MYCT1: variants seen among roughly 807,000 people sequenced by gnomAD.
MYCT1 encodes the protein MYC target 1.
MYCT1 carries 12 observed loss-of-function variants against 15.0 expected under a neutral mutation model. That is an observed-to-expected ratio of 0.80 (90% CI 0.51 to 1.29). The LOEUF (loss-of-function observed/expected upper bound fraction) is 1.29. Among genes scored for constraint, MYCT1 ranks in the 50% most tolerant of loss-of-function variants. The pLI is 0.00. For synonymous variants in MYCT1, 104 were observed against 102.7 expected (o/e 1.01, Z -0.07); for missense variants, 287 against 279.1 (o/e 1.03, Z -0.20).
rs769316637 is a variant in MYCT1 at position 152,721,852 on chromosome 6, A to G, written c.307A>G (p.Ile103Val). ...TCGAAGAAGAAGAGCCAGTGCTCCC[A>G]TCTCACAGTGGAGTTCAAGCAGGAG... ...LSRRRRASAP[I>V]SQWSSSRRSR... Residue 103 changes from isoleucine (I) to valine (V), a missense_variant, in exon 2 of 2, where the codon ATC (isoleucine) becomes GTC (valine). Coordinates refer to ENST00000367245, the MANE Select transcript of MYCT1 (RefSeq NM_025107.3). 5.6e-6 allele frequency: 9 copies of G among 1,613,940 alleles called. No individual in the cohort carries two copies. The African/African-American group carries it at 9.3e-5, about 17-fold the overall frequency.
At chr6:152,704,347 A>G (rs1474567647) in intron 1 of MYCT1, among the ~76,000 whole-genome samples, 1 of 152,162 alleles carries the variant, frequency 6.6e-6, no homozygotes, top group Non-Finnish European at 1.5e-5. Flanking sequence ...TTGAAAATCA[A>G]ATGGTCATGT....
chr6:152,742,186 G>A, the MYCT1 span, among the ~76,000 whole-genome samples: 1 of 152,124 alleles, frequency 6.6e-6, no homozygotes, highest in Admixed American at 6.6e-5. Context: ...TAGGCTGGGG[G>A]AAATACGGGG....
chr6:152,740,191 C>A, the MYCT1 span, among the ~76,000 whole-genome samples: 1 of 152,026 alleles, frequency 6.6e-6, no homozygotes, highest in African/African-American at 2.4e-5. Context: ...GCTGGGATTA[C>A]AAGCATGCGC....
the MYCT1 span, among the ~76,000 whole-genome samples, chr6:152,744,304 T>TCA: frequency 4.6e-5 from 7 of 152,332 alleles, no homozygotes; most frequent in Admixed American, 1.3e-4. Context: ...CATTGATTAT[T>TCA]TTAAGAGTTC....
At chr6:152,713,121 G>C (rs537846575) in intron 1 of MYCT1, among the ~76,000 whole-genome samples, 21 of 151,966 alleles carry the variant, frequency 1.4e-4, no homozygotes, top group Admixed American at 2.6e-4. Flanking sequence ...TTTCAAATTG[G>C]ATAAGTTCTA....
At chr6:152,709,174 A>G (rs1217682865) in intron 1 of MYCT1, among the ~76,000 whole-genome samples, 1 of 20,554 alleles carries the variant, frequency 4.9e-5, no homozygotes, top group African/African-American at 1.2e-4. Flanking sequence ...CCATGTCCCT[A>G]CAAAGGATAT....
the MYCT1 span, among the ~76,000 whole-genome samples, chr6:152,740,873 G>A: frequency 1.3e-5 from 2 of 152,076 alleles, no homozygotes; most frequent in African/African-American, 4.8e-5. Context: ...GTAGAAATAT[G>A]AAATTAATTT....
rs2099724981 is a variant in MYCT1 at position 152,722,999 on chromosome 6, C to T, written c.*746C>T. On this transcript the variant is annotated 3_prime_UTR_variant, in exon 2 of 2. Transcript: ENST00000367245. ...TCAGATGATCCTCCTGCCTCGGCCT[C>T]CCAAAGTGCTGGAATTAGCCTGGCC... is the stretch of plus-strand genomic sequence containing the variant. 6.3e-6 allele frequency: 1 copy of T among 158,298 alleles called. No homozygotes were observed. The highest frequency in any genetic ancestry group is 1.8e-4 in the South Asian group (1 of 5,664). The allele number at this position is 158,298 out of a possible 1,614,324, so 9.8% of individuals were successfully genotyped here. A position where few individuals can be genotyped will look rare whatever the true frequency, so the allele number is the denominator to read the frequency against.
intron 1 of MYCT1, among the ~76,000 whole-genome samples, chr6:152,700,980 T>C (rs1220291714): frequency 6.6e-6 from 1 of 152,172 alleles, no homozygotes; most frequent in Non-Finnish European, 1.5e-5. Context: ...ATGCTACATA[T>C]GCACATACAA....
chr6:152,728,989 T>A (rs148611552), downstream of MYCT1, among the ~76,000 whole-genome samples: 516 of 152,266 alleles, frequency 3.4e-3, 2 homozygotes, highest in African/African-American at 0.012. Flanking sequence ...TTGACAAGGA[T>A]ATCAAGAATC....
chr6:152,727,506 T>C (rs112917158), downstream of MYCT1, among the ~76,000 whole-genome samples: 8 of 152,292 alleles, frequency 5.3e-5, 1 homozygote, highest in African/African-American at 1.9e-4. Context: ...GCTTAGAATA[T>C]TGTAGCTATA....
downstream of MYCT1, among the ~76,000 whole-genome samples, chr6:152,725,705 C>A (rs756256749): frequency 6.6e-6 from 1 of 152,162 alleles, no homozygotes; most frequent in Non-Finnish European, 1.5e-5. Context: ...TTTTGGAAGG[C>A]AGTTTGATGA....
At chr6:152,728,812 G>C (rs1417110677), downstream of MYCT1, among the ~76,000 whole-genome samples, 1 of 152,166 alleles carries the variant, frequency 6.6e-6, no homozygotes, top group Non-Finnish European at 1.5e-5. Context: ...AGGTTGAGGT[G>C]AGGGCATAGC....
At chr6:152,700,728 A>G (rs1002192071) in intron 1 of MYCT1, among the ~76,000 whole-genome samples, 2 of 152,198 alleles carry the variant, frequency 1.3e-5, no homozygotes, top group African/African-American at 4.8e-5. Context: ...CTCTAAGGCA[A>G]TAGGAGACAA....
At position 152,722,092 on chromosome 6, in the gene MYCT1, C is replaced by G. The variant is rs776724985; in HGVS notation, c.547C>G (p.Gln183Glu). 2 of 1,614,140 alleles carry G rather than the reference C, an allele frequency of 1.2e-6. No homozygotes were observed. The highest frequency in any genetic ancestry group is 1.7e-6 in the Non-Finnish European group (2 of 1,180,032). Reference protein sequence around the residue: ...CPPLPVETESQLVTLPSSNIS... With the variant: ...CPPLPVETESELVTLPSSNIS... ...ACCACTTCCTGTGGAAACTGAGAGT[C>G]AGCTGGTGACTCTCCCTTCTTCCAA... Residue 183 changes from glutamine (Q) to glutamate (E), a missense_variant, in exon 2 of 2, where the codon CAG becomes GAG. Transcript: ENST00000367245.
At chr6:152,716,364 G>A (rs1358883240) in intron 1 of MYCT1, among the ~76,000 whole-genome samples, 1 of 152,042 alleles carries the variant, frequency 6.6e-6, no homozygotes, top group Non-Finnish European at 1.5e-5. Flanking sequence ...TGATACCAAG[G>A]ACTTCATGGC....
intron 1 of MYCT1, among the ~76,000 whole-genome samples, chr6:152,721,209 G>A (rs909627085): frequency 2.6e-5 from 4 of 152,178 alleles, no homozygotes; most frequent in East Asian, 1.9e-4. Context: ...TGGCCAGATG[G>A]TTCTATCCCA....
At chr6:152,728,301 T>C (rs973771163), downstream of MYCT1, among the ~76,000 whole-genome samples, 2 of 152,096 alleles carry the variant, frequency 1.3e-5, no homozygotes, top group Non-Finnish European at 2.9e-5. Flanking sequence ...TGCCATTAAG[T>C]AACAGAAGTC....
the MYCT1 span, among the ~76,000 whole-genome samples, chr6:152,743,868 GAAGT>G: frequency 1.2e-4 from 18 of 152,342 alleles, no homozygotes; most frequent in Non-Finnish European, 2.5e-4. Context: ...GAAGTACAGG[GAAGT>G]AACTACAGAT....
Sources: gnomAD v4.1 joint callset for allele counts (sites outside exome capture counted in the v4.1 genomes callset) on GRCh38, gnomAD v4.1.1 for gene constraint, MANE v1.5 for transcripts, NCBI Gene and HGNC (gene_info 2026-07-23, HGNC 2026-07-21) for gene names.